CALCRL: variants seen among roughly 807,000 people sequenced by gnomAD.
CALCRL encodes calcitonin receptor like receptor, also known as calcitonin gene-related peptide type 1 receptor.
CALCRL carries 27 observed loss-of-function variants against 60.4 expected under a neutral mutation model. That is an observed-to-expected ratio of 0.45 (90% confidence interval 0.33 to 0.62). The LOEUF (loss-of-function observed/expected upper bound fraction) is 0.62. CALCRL is among the 20% of genes least tolerant of loss of function. The pLI, the probability that CALCRL is intolerant of heterozygous loss-of-function variation, is 0.03. For missense variants in CALCRL, 424 were observed against 540.7 expected, an observed-to-expected ratio of 0.78 and a Z score of 2.14; for synonymous variants, 190 against 182.6, an observed-to-expected ratio of 1.04 and a Z score of -0.33.
At chr2:187,368,532 T>C (rs1192010247) in intron 8 of CALCRL, among the ~76,000 whole-genome samples, 1 of 152,108 alleles carries the variant, frequency 6.6e-6, no homozygotes, top group African/African-American at 2.4e-5. Context: ...AATTGCCAGG[T>C]TCACTATCAT....
intron 13 of CALCRL, 55 bp downstream of exon 13, chr2:187,352,059 T>C: frequency 6.5e-7 from 1 of 1,545,648 alleles, no homozygotes. Context: ...ACCAAAGCTA[T>C]ATGTATATTT....
At chr2:187,372,733 G>T (rs1687588256) in intron 8 of CALCRL, among the ~76,000 whole-genome samples, 1 of 152,118 alleles carries the variant, frequency 6.6e-6, no homozygotes, top group Non-Finnish European at 1.5e-5. Context: ...ATAAGGAACT[G>T]GGTTAAGAAA....
chr2:187,432,336 A>G lies in CALCRL; in HGVS notation c.-293+15703T>C, dbSNP rs183094455. Among the ~76,000 whole-genome samples, 176 of 152,282 alleles carry G rather than the reference A, an allele frequency of 1.2e-3. 4 individuals are homozygous for G. The highest frequency in any genetic ancestry group is 0.011 in the Admixed American group (171 of 15,280). On this transcript the variant is annotated intron_variant, in intron 1 of 14. Transcript: ENST00000392370. The stretch of plus-strand genomic sequence containing the variant: ...GAATTTTAAGAACTTGAAAAATGTC[A>G]GAATTGCATTTTGTGAATTATTTAT...
chr2:187,405,153 A>T (rs1222782549), intron 1 of CALCRL, among the ~76,000 whole-genome samples: 1 of 152,028 alleles, frequency 6.6e-6, no homozygotes, highest in Non-Finnish European at 1.5e-5. Flanking sequence ...AGGACTAGGA[A>T]GTGATAACTG....
intron 1 of CALCRL, among the ~76,000 whole-genome samples, chr2:187,394,538 C>T (rs937971775): frequency 2.6e-5 from 4 of 152,018 alleles, no homozygotes; most frequent in Admixed American, 2.6e-4. Flanking sequence ...AGTAGTAACT[C>T]TGCTTCCCAA....
At chr2:187,385,272 T>C (rs1688157694) in intron 4 of CALCRL, among the ~76,000 whole-genome samples, 1 of 152,150 alleles carries the variant, frequency 6.6e-6, no homozygotes, top group Admixed American at 6.5e-5. Flanking sequence ...CATAGAGTCA[T>C]TCCATTTTTT....
chr2:187,379,047 A>G lies in CALCRL; in HGVS notation c.409-16T>C. 6.5e-7 allele frequency: 1 copy of G among 1,531,324 alleles called. No individual in the cohort carries two copies. Among genetic ancestry groups the G allele is most frequent in the Non-Finnish European group, 9.0e-7 (1 of 1,109,792 alleles). The allele number at this position is 1,531,324 out of a possible 1,614,324, so 94.9% of individuals were successfully genotyped here. On this transcript the variant is annotated splice_polypyrimidine_tract_variant and intron_variant, in intron 7 of 14. Coordinates refer to ENST00000392370, the MANE Select transcript of CALCRL (RefSeq NM_005795.6). ...TTAGTGCAGTCTGTAATTTGTATAA[A>G]CAAAAAAATTTGGTTCATATCAATA...
chr2:187,358,981 C>T, intron 12 of CALCRL, 82 bp downstream of exon 12: 1 of 1,132,502 alleles, frequency 8.8e-7, no homozygotes, highest in South Asian at 1.2e-5. Flanking sequence ...CACTGGGACC[C>T]TGAAGGATAC....
intron 1 of CALCRL, among the ~76,000 whole-genome samples, chr2:187,405,415 C>T (rs1325768919): frequency 6.7e-6 from 1 of 149,506 alleles, no homozygotes; most frequent in Non-Finnish European, 1.5e-5. Flanking sequence ...TACTAATTGT[C>T]TCTGTATGCA....
intron 9 of CALCRL, among the ~76,000 whole-genome samples, chr2:187,361,575 G>T (rs548615478): frequency 6.6e-6 from 1 of 151,942 alleles, no homozygotes; most frequent in East Asian, 1.9e-4. Flanking sequence ...AAATTGAAAA[G>T]AAAATGCACT....
chr2:187,372,272 TA>T (rs1199042381), intron 8 of CALCRL, among the ~76,000 whole-genome samples: 1 of 152,094 alleles, frequency 6.6e-6, no homozygotes, highest in Non-Finnish European at 1.5e-5. Context: ...TCTCTGATTT[TA>T]AACGGTAATT....
intron 8 of CALCRL, among the ~76,000 whole-genome samples, chr2:187,368,023 G>C (rs1033702564): frequency 2.0e-5 from 3 of 152,016 alleles, no homozygotes; most frequent in African/African-American, 7.2e-5. Context: ...AAGTCACTAT[G>C]TGTAGTTCAG....
chr2:187,367,158 T>G (rs1559045366), intron 8 of CALCRL, among the ~76,000 whole-genome samples: 1 of 152,100 alleles, frequency 6.6e-6, no homozygotes, highest in African/African-American at 2.4e-5. Context: ...GACATTAATT[T>G]AGAGTGTTTT....
At chr2:187,442,555 T>C (rs1173109786) in intron 1 of CALCRL, among the ~76,000 whole-genome samples, 3 of 151,764 alleles carry the variant, frequency 2.0e-5, no homozygotes, top group South Asian at 2.1e-4. Context: ...AATAAGAAAA[T>C]ATAAGTGTCT....
intron 1 of CALCRL, among the ~76,000 whole-genome samples, chr2:187,390,994 T>C (rs1688417948): frequency 6.6e-6 from 1 of 152,152 alleles, no homozygotes; most frequent in Non-Finnish European, 1.5e-5. Context: ...GAGGTAGTTA[T>C]GGAGGAATCA....
At chr2:187,394,600 C>A (rs1326200376) in intron 1 of CALCRL, among the ~76,000 whole-genome samples, 1 of 151,990 alleles carries the variant, frequency 6.6e-6, no homozygotes, top group Non-Finnish European at 1.5e-5. Flanking sequence ...TCCTGCAAGA[C>A]AATCCCATTA....
At chr2:187,408,541 G>A (rs908462843) in intron 1 of CALCRL, among the ~76,000 whole-genome samples, 1 of 151,884 alleles carries the variant, frequency 6.6e-6, no homozygotes, top group Admixed American at 6.6e-5. Flanking sequence ...AATGCCTATT[G>A]CAGAAATAAA....
intron 3 of CALCRL, among the ~76,000 whole-genome samples, chr2:187,386,453 A>T (rs1386921517): frequency 6.6e-6 from 1 of 152,188 alleles, no homozygotes; most frequent in Admixed American, 6.5e-5. Context: ...ATTAGGAAAT[A>T]AAAGATTCCC....
chr2:187,386,025 GCATTATGGTGTCAAATGTTTAAGAA>G (rs774324164), intron 3 of CALCRL, among the ~76,000 whole-genome samples: 43 of 152,118 alleles, frequency 2.8e-4, no homozygotes, highest in Non-Finnish European at 4.3e-4. Flanking sequence ...ATGTTTAAGA[GCATTATGGTGTCAAATGTTTAAGAA>G]CATTATGGTG....
Sources: allele counts gnomAD v4.1 joint callset (sites outside exome capture counted in the v4.1 genomes callset), GRCh38; gene constraint gnomAD v4.1.1; transcripts MANE v1.5; gene names NCBI Gene and HGNC (gene_info 2026-07-23, HGNC 2026-07-21).